The following BTN2A2 variants were observed in gnomAD, a reference collection of about 807,000 sequenced individuals.
The protein encoded by BTN2A2 is butyrophilin subfamily 2 member A2.
In BTN2A2, 29 loss-of-function variants were observed where a neutral mutation model predicts 34.7. The observed-to-expected ratio is 0.84, with a 90% CI of 0.62 to 1.14. BTN2A2 has a LOEUF of 1.14. Among genes scored for constraint, BTN2A2 ranks in the 50% most tolerant of loss-of-function variants. BTN2A2 has a pLI of 0.00. For synonymous variants in BTN2A2, 240 were observed against 253.1 expected, an observed-to-expected ratio of 0.95 and a Z score of 0.49; for missense variants, 612 against 651.5, an observed-to-expected ratio of 0.94 and a Z score of 0.66.
chr6:26,388,057 G>A lies in BTN2A2; in HGVS notation c.487G>A (p.Gly163Arg). Residue 163 changes from glycine to arginine, a missense_variant, in exon 4 of 8, where the codon GGG (glycine) becomes AGG (arginine). Gly to Arg is a moderately radical substitution (Grantham distance 125, BLOSUM62 -2). Coordinates refer to ENST00000356709, the MANE Select transcript of BTN2A2 (RefSeq NM_006995.5). Reference protein sequence around the residue: ...PLIEIKAQEDGSIWLECISGG... With the variant: ...PLIEIKAQEDRSIWLECISGG... ...CATTGAAATCAAGGCCCAAGAGGATGGGAGCATCTGGCTGGAGTGCATATC... is the reference window on the plus strand; with the variant it reads ...CATTGAAATCAAGGCCCAAGAGGATAGGAGCATCTGGCTGGAGTGCATATC... 6.2e-7 allele frequency: 1 copy of A among 1,614,068 alleles called. No homozygotes were observed. Among genetic ancestry groups the A allele is most frequent in the Non-Finnish European group, 8.5e-7 (1 of 1,179,980 alleles).
intron 4 of BTN2A2, 53 bp from the exon 5 acceptor site, chr6:26,389,952 T>C: frequency 6.4e-7 from 1 of 1,571,974 alleles, no homozygotes; most frequent in Non-Finnish European, 8.7e-7. Flanking sequence ...AGGGGCACTC[T>C]CATCCAGATG....
Position 26,390,256 on chromosome 6 carries a change from AAAAAG to A in BTN2A2, c.931+51_931+55del, listed in dbSNP as rs754671707. 1.0e-4 allele frequency: 163 copies of A among 1,574,408 alleles called. No individual in the cohort carries two copies. In the East Asian group the frequency reaches 3.7e-3, roughly 35 times the overall value. ...AGTGTGGAAAAATAGAAAGAAATTC[AAAAAG>A]AAAAGTTAAATGAGTAGGAGGACAA... On this transcript the variant is annotated intron_variant, in intron 5 of 7. Transcript: ENST00000356709.
Position 26,383,415 on chromosome 6 carries a change from T to C in BTN2A2, c.-31+234T>C, listed in dbSNP as rs1760981890. On this transcript the variant is annotated intron_variant, in intron 1 of 7. Coordinates refer to ENST00000356709, the MANE Select transcript of BTN2A2 (RefSeq NM_006995.5). The surrounding 1 kb of genome is among the most constrained non-coding windows in gnomAD (Gnocchi z 4.4). ...CTGCTCTGGAGAGGAGAGGGGGACC[T>C]GGGAGACAGGAAGCCTACTGGTGGG... 1 of 212,990 alleles carries C rather than the reference T, an allele frequency of 4.7e-6. No individual in the cohort carries two copies. The highest frequency in any genetic ancestry group is 5.5e-5 in the Admixed American group (1 of 18,086). The allele number at this position is 212,990 out of a possible 1,614,324, so 13.2% of individuals were successfully genotyped here. A position where few individuals can be genotyped will look rare whatever the true frequency, so the allele number is the denominator to read the frequency against.
Position 26,386,073 on chromosome 6 carries a change from T to C in BTN2A2, c.442+711T>C, listed in dbSNP as rs1370195861. 3.3e-5 allele frequency among the ~76,000 whole-genome samples: 5 copies of C among 152,348 alleles called. No individual in the cohort carries two copies. The East Asian group carries it at 9.6e-4, about 29-fold the overall frequency. On this transcript the variant is annotated intron_variant, in intron 3 of 7. Coordinates refer to ENST00000356709, the MANE Select transcript of BTN2A2 (RefSeq NM_006995.5). ...AATCTTATTTTTCGATAAATATTAA[T>C]CTTGACATTTTCTTCTTTCCTGAAA...
rs1761744888 is a variant in BTN2A2 at position 26,393,833 on chromosome 6, G to T, written c.*866G>T. The T allele has an allele frequency of 5.5e-6, 5 of 901,876 alleles. No homozygotes were observed. Among genetic ancestry groups the T allele is most frequent in the African/African-American group, 3.6e-5 (2 of 55,464 alleles). 55.9% of individuals were successfully genotyped at this position (901,876 alleles called of 1,614,324 possible). A position where few individuals can be genotyped will look rare whatever the true frequency, so the allele number is the denominator to read the frequency against. The stretch of plus-strand genomic sequence containing the variant: ...ACTTTAAAGAGCTTTTGTTTATTTG[G>T]GTTAATATTTATGACATTTGACATT... On this transcript the variant is annotated 3_prime_UTR_variant, in exon 8 of 8. Transcript: ENST00000356709.
Position 26,392,762 on chromosome 6 carries a change from A to G in BTN2A2, c.1367A>G (p.Asp456Gly). 1 of 1,614,036 alleles carries G rather than the reference A, an allele frequency of 6.2e-7. No homozygotes were observed. Among genetic ancestry groups the G allele is most frequent in the Non-Finnish European group, 8.5e-7 (1 of 1,180,012 alleles). The change falls in exon 8 of 8, where the codon GAT (aspartate) becomes GGT (glycine). Residue 456 changes from aspartate (D) to glycine (G), a missense_variant. Transcript: ENST00000356709. ...GTCTTCCTGGACTATGAAGCTGGAG[A>G]TGTCTCCTTCTACAACATGAGGGAC... ...VGVFLDYEAGDVSFYNMRDRS... is the reference protein window; with the variant it reads ...VGVFLDYEAGGVSFYNMRDRS...
Position 26,385,451 on chromosome 6 carries a change from A to G in BTN2A2, c.442+89A>G, listed in dbSNP as rs1332797412. ...TTAACCTCAGGCCCATTGCAGACCAACGGATTTCTATCTGGCGTCCCCTTT... is the reference window on the plus strand; with the variant it reads ...TTAACCTCAGGCCCATTGCAGACCAGCGGATTTCTATCTGGCGTCCCCTTT... On this transcript the variant is annotated intron_variant, in intron 3 of 7. Transcript: ENST00000356709. The G allele has an allele frequency of 1.4e-5, 18 of 1,261,262 alleles. No homozygotes were observed. In the East Asian group the frequency reaches 1.5e-4, roughly 11 times the overall value. 78.1% of individuals were successfully genotyped at this position (1,261,262 alleles called of 1,614,324 possible). A position where few individuals can be genotyped will look rare whatever the true frequency, so the allele number is the denominator to read the frequency against.
At chr6:26,385,609 G>A (rs1380095864) in intron 3 of BTN2A2, 1 of 420,834 alleles carries the variant, frequency 2.4e-6, no homozygotes, top group Non-Finnish European at 4.3e-6. Context: ...GGAGTGCAGT[G>A]GTGCGATCTT....
rs2072806 is a variant in BTN2A2 at position 26,384,865 on chromosome 6, C to G, written c.95-150C>G. 0.1 allele frequency: 87,132 copies of G among 853,386 alleles called. 5,252 individuals carry two copies. Among genetic ancestry groups the G allele is most frequent in the East Asian group, 0.13 (4,858 of 37,388 alleles). 52.9% of individuals were successfully genotyped at this position (853,386 alleles called of 1,614,324 possible). A position where few individuals can be genotyped will look rare whatever the true frequency, so the allele number is the denominator to read the frequency against. On this transcript the variant is annotated intron_variant, in intron 2 of 7. Coordinates refer to ENST00000356709, the MANE Select transcript of BTN2A2 (RefSeq NM_006995.5). This position sits in a 1 kb window ranked among gnomAD's most constrained non-coding sequence, Gnocchi z 4.0. ...ACAGCTACTGGTCCCCAGAAGGGTT[C>G]TCAGCCCAAGAACCCCTGTAGCCTT... is the stretch of plus-strand genomic sequence containing the variant.
Position 26,392,859 on chromosome 6 carries a change from T to C in BTN2A2, c.1464T>C (p.Ser488=). 2.5e-6 allele frequency: 4 copies of C among 1,614,220 alleles called. No homozygotes were observed. The highest frequency in any genetic ancestry group is 3.4e-6 in the Non-Finnish European group (4 of 1,180,036). The stretch of plus-strand genomic sequence containing the variant: ...TGAGGCCCTTCTTCAGGTTAGGGTC[T>C]GATGACAGCCCCATCTTCATCTGCC... ...VPVRPFFRLG[S]DDSPIFICPA... is the part of the protein sequence containing the mutation. The change falls in exon 8 of 8, where the codon TCT becomes TCC. Residue 488 remains serine, a synonymous_variant. Coordinates refer to ENST00000356709, the MANE Select transcript of BTN2A2 (RefSeq NM_006995.5).
At position 26,384,551 on chromosome 6, in the gene BTN2A2, A is replaced by G. The variant is rs1268738318; in HGVS notation, c.95-464A>G. 1.3e-5 allele frequency among the ~76,000 whole-genome samples: 2 copies of G among 152,272 alleles called. No homozygotes were observed. Among genetic ancestry groups the G allele is most frequent in the African/African-American group, 4.8e-5 (2 of 41,470 alleles). On this transcript the variant is annotated intron_variant, in intron 2 of 7. Transcript: ENST00000356709. This position sits in a 1 kb window ranked among gnomAD's most constrained non-coding sequence, Gnocchi z 4.0. ...ATCAATATTTAAATGCTTAGTTAATAGAACTATTACCAATGAGATATTTGA... is the reference window on the plus strand; with the variant it reads ...ATCAATATTTAAATGCTTAGTTAATGGAACTATTACCAATGAGATATTTGA...
rs934844573 is a variant in BTN2A2 at position 26,384,660 on chromosome 6, G to A, written c.95-355G>A. On this transcript the variant is annotated intron_variant, in intron 2 of 7. Transcript: ENST00000356709. This position sits in a 1 kb window ranked among gnomAD's most constrained non-coding sequence, Gnocchi z 4.0. ...TATTGGAACTGTTAAATAGCTAGTGGATAGATACCCTAATGGACAGTTCAA... is the reference window on the plus strand; with the variant it reads ...TATTGGAACTGTTAAATAGCTAGTGAATAGATACCCTAATGGACAGTTCAA... Among the ~76,000 whole-genome samples the A allele has an allele frequency of 1.3e-5, 2 of 152,186 alleles. No individual in the cohort carries two copies. Among genetic ancestry groups the A allele is most frequent in the African/African-American group, 4.8e-5 (2 of 41,448 alleles).
chr6:26,393,109 C>T lies in BTN2A2; in HGVS notation c.*142C>T. 1 of 1,608,932 alleles carries T rather than the reference C, an allele frequency of 6.2e-7. No homozygotes were observed. The highest frequency in any genetic ancestry group is 1.3e-5 in the African/African-American group (1 of 75,012). ...CTTCCAGCTGCCTTTTTCACACCCACTCCAGCCCTCTGCCCCAGTTTTCTC... is the reference window on the plus strand; with the variant it reads ...CTTCCAGCTGCCTTTTTCACACCCATTCCAGCCCTCTGCCCCAGTTTTCTC... On this transcript the variant is annotated 3_prime_UTR_variant, in exon 8 of 8. Coordinates refer to ENST00000356709, the MANE Select transcript of BTN2A2 (RefSeq NM_006995.5).
rs780787807 is a variant in BTN2A2 at position 26,392,819 on chromosome 6, C to A, written c.1424C>A (p.Ala475Asp). ...CACATCTACACATGTCCCCGTTCAG[C>A]CTTTACTGTGCCTGTGAGGCCCTTC... is the stretch of plus-strand genomic sequence containing the variant. ...RSHIYTCPRSAFTVPVRPFFR... is the reference protein window; with the variant it reads ...RSHIYTCPRSDFTVPVRPFFR... Residue 475 changes from alanine (A) to aspartate (D), a missense_variant, in exon 8 of 8, where the codon GCC (alanine) becomes GAC (aspartate). Physicochemically the swap from Ala to Asp is moderately radical, Grantham distance 126. Transcript: ENST00000356709. 1.2e-6 allele frequency: 2 copies of A among 1,614,106 alleles called. No individual in the cohort carries two copies. Among genetic ancestry groups the A allele is most frequent in the African/African-American group, 2.7e-5 (2 of 74,924 alleles).
Position 26,392,948 on chromosome 6 carries a change from GGACCCAC to G in BTN2A2, c.1554_1560del (p.Thr519ArgfsTer15). The stretch of plus-strand genomic sequence containing the variant: ...GAGGGCCTGAAACTTCACAGAGTGG[GGACCCAC>G]CAGAGCCTATAGAATCAATTCCTTG... On this transcript the variant is annotated frameshift_variant, in exon 8 of 8. Transcript: ENST00000356709. LOFTEE classifies it low-confidence loss of function (END_TRUNC). 1 of 1,614,110 alleles carries G rather than the reference GGACCCAC, an allele frequency of 6.2e-7. No individual in the cohort carries two copies. The highest frequency in any genetic ancestry group is 8.5e-7 in the Non-Finnish European group (1 of 1,180,018).
chr6:26,388,055 A>T lies in BTN2A2; in HGVS notation c.485A>T (p.Asp162Val). The change falls in exon 4 of 8, where the codon GAT (aspartate) becomes GTT (valine). Residue 162 changes from aspartate (D) to valine (V), a missense_variant. By Grantham distance (152) the Asp-to-Val change is radical. Transcript: ENST00000356709. The part of the protein sequence containing the change: ...KPLIEIKAQE[D>V]GSIWLECISG... Reference sequence around the variant, plus strand: ...CTCATTGAAATCAAGGCCCAAGAGGATGGGAGCATCTGGCTGGAGTGCATA... The same window carrying T: ...CTCATTGAAATCAAGGCCCAAGAGGTTGGGAGCATCTGGCTGGAGTGCATA... 1.2e-6 allele frequency: 2 copies of T among 1,614,000 alleles called. No individual in the cohort carries two copies. The highest frequency in any genetic ancestry group is 1.7e-6 in the Non-Finnish European group (2 of 1,179,968).
At chr6:26,386,081 T>C (rs752270643) in intron 3 of BTN2A2, among the ~76,000 whole-genome samples, 1 of 152,210 alleles carries the variant, frequency 6.6e-6, no homozygotes, top group Non-Finnish European at 1.5e-5. Flanking sequence ...AATCTTGACA[T>C]TTTCTTCTTT....
Position 26,394,298 on chromosome 6 carries a change from A to G in BTN2A2, c.*1331A>G, listed in dbSNP as rs1271112215. ...TAATCCATGTGCTGGTTAATTTTAG[A>G]TGTCAACCTGACTGGATTAAGGAAT... On this transcript the variant is annotated 3_prime_UTR_variant, in exon 8 of 8. Coordinates refer to ENST00000356709, the MANE Select transcript of BTN2A2 (RefSeq NM_006995.5). 3 of 700,700 alleles carry G rather than the reference A, an allele frequency of 4.3e-6. No individual in the cohort carries two copies. The highest frequency in any genetic ancestry group is 7.8e-6 in the Non-Finnish European group (3 of 384,818). The allele number at this position is 700,700 out of a possible 1,614,324, so 43.4% of individuals were successfully genotyped here.
At position 26,390,022 on chromosome 6, in the gene BTN2A2, G is replaced by C. The variant is rs780217318; in HGVS notation, c.742G>C (p.Ala248Pro). The change falls in exon 5 of 8, where the codon GCA (alanine) becomes CCA (proline). Residue 248 changes from alanine to proline, a missense_variant. Transcript: ENST00000356709. ...IFIPESFMPS[A>P]SPWMVALAVI... Reference sequence around the variant, plus strand: ...CTTTTCAGAATCCTTTATGCCCAGCGCATCTCCCTGGATGGTGGCCCTAGC... The same window carrying C: ...CTTTTCAGAATCCTTTATGCCCAGCCCATCTCCCTGGATGGTGGCCCTAGC... The C allele has an allele frequency of 1.1e-5, 18 of 1,613,740 alleles. No homozygotes were observed. Among genetic ancestry groups the C allele is most frequent in the Non-Finnish European group, 1.4e-5 (17 of 1,179,940 alleles).
Sources: allele counts gnomAD v4.1 joint callset (sites outside exome capture counted in the v4.1 genomes callset), GRCh38; gene constraint gnomAD v4.1.1; non-coding constraint Gnocchi (gnomAD v3.1); transcripts MANE v1.5; gene names NCBI Gene and HGNC (gene_info 2026-07-23, HGNC 2026-07-21).